CDH18: variants seen among roughly 807,000 people sequenced by gnomAD.
CDH18 encodes cadherin-18.
CDH18 carries 31 observed loss-of-function variants against 67.9 expected under a neutral mutation model. The ratio of observed to expected loss-of-function variants is 0.46; its 90% CI spans 0.34 to 0.62. The LOEUF (loss-of-function observed/expected upper bound fraction) is 0.62. CDH18 is among the 20% of genes least tolerant of loss of function. CDH18 has a pLI of 0.01. For synonymous variants in CDH18, 362 were observed against 347.2 expected (o/e 1.04, Z -0.48); for missense variants, 890 against 975.5 (o/e 0.91, Z 1.17).
At chr5:19,929,978 G>C (rs1000034427) in intron 2 of CDH18, among the ~76,000 whole-genome samples, 1 of 151,994 alleles carries the variant, frequency 6.6e-6, no homozygotes, top group Non-Finnish European at 1.5e-5. Flanking sequence ...AGAAAAAATA[G>C]GTTCAGATGT....
intron 1 of CDH18, among the ~76,000 whole-genome samples, chr5:20,502,944 A>G (rs1166221811): frequency 6.6e-6 from 1 of 152,148 alleles, no homozygotes; most frequent in African/African-American, 2.4e-5. Flanking sequence ...ATACAATTAA[A>G]CTTAATATGA....
chr5:20,031,649 A>C (rs1739409455), intron 2 of CDH18, among the ~76,000 whole-genome samples: 2 of 151,340 alleles, frequency 1.3e-5, no homozygotes, highest in Middle Eastern at 6.8e-3. Flanking sequence ...TTTGAAAAAA[A>C]CAAAACAAAA....
At chr5:19,636,661 A>G (rs1753197954) in intron 5 of CDH18, among the ~76,000 whole-genome samples, 1 of 151,784 alleles carries the variant, frequency 6.6e-6, no homozygotes, top group Admixed American at 6.6e-5. Flanking sequence ...TATTTATATA[A>G]TTTTTTGATA....
chr5:20,450,014 A>ATG (rs202201580), intron 1 of CDH18, among the ~76,000 whole-genome samples: 8 of 151,030 alleles, frequency 5.3e-5, no homozygotes, highest in Non-Finnish European at 1.0e-4. Context: ...TTGCTGAAAT[A>ATG]TGTGTGTGTG....
At chr5:20,202,213 G>A (rs978802968) in intron 2 of CDH18, among the ~76,000 whole-genome samples, 9 of 152,070 alleles carry the variant, frequency 5.9e-5, no homozygotes, top group Non-Finnish European at 1.3e-4. Flanking sequence ...ATATTATTGA[G>A]GAAAATACAG....
intron 2 of CDH18, among the ~76,000 whole-genome samples, chr5:20,178,557 A>T (rs1218938977): frequency 1.3e-5 from 2 of 150,444 alleles, no homozygotes; most frequent in African/African-American, 2.4e-5. Context: ...TTCTTCAATA[A>T]TTAGTGTAAA....
intron 1 of CDH18, among the ~76,000 whole-genome samples, chr5:20,446,065 T>A (rs1749976205): frequency 6.6e-6 from 1 of 152,154 alleles, no homozygotes; most frequent in South Asian, 2.1e-4. Flanking sequence ...TTTTTACCCA[T>A]AATTCATTAA....
chr5:20,570,754 A>G (rs1758769788), intron 1 of CDH18, among the ~76,000 whole-genome samples: 1 of 152,152 alleles, frequency 6.6e-6, no homozygotes, highest in African/African-American at 2.4e-5. Flanking sequence ...AATGCAACAG[A>G]TGGACCCATC....
intron 2 of CDH18, among the ~76,000 whole-genome samples, chr5:19,980,565 C>T (rs1404702159): frequency 6.6e-6 from 1 of 152,152 alleles, no homozygotes; most frequent in Non-Finnish European, 1.5e-5. Context: ...AAGACAGTCA[C>T]TCACCGGAGC....
At chr5:20,471,423 T>C (rs746470901) in intron 1 of CDH18, among the ~76,000 whole-genome samples, 27 of 152,158 alleles carry the variant, frequency 1.8e-4, no homozygotes, top group Admixed American at 3.3e-4. Flanking sequence ...CTTTTTAATA[T>C]ACAAATCAGA....
At chr5:19,844,749 T>C (rs1374097590) in intron 2 of CDH18, among the ~76,000 whole-genome samples, 2 of 152,142 alleles carry the variant, frequency 1.3e-5, no homozygotes, top group Non-Finnish European at 2.9e-5. Flanking sequence ...GCTCTGCAGA[T>C]ATGACAGACA....
intron 1 of CDH18, among the ~76,000 whole-genome samples, chr5:20,522,241 G>T (rs2126525140): frequency 6.6e-6 from 1 of 152,236 alleles, no homozygotes; most frequent in Admixed American, 6.5e-5. Context: ...CCTTCACTAT[G>T]AGAAATTAAA....
chr5:19,544,080 T>C (rs1735896257), intron 8 of CDH18, 75 bp from the exon 9 acceptor site: 4 of 576,072 alleles, frequency 6.9e-6, no homozygotes, highest in Non-Finnish European at 1.1e-5. Flanking sequence ...AAGTATTATA[T>C]CTAAATACAT....
At chr5:19,748,009 G>A (rs377153228) in intron 3 of CDH18, among the ~76,000 whole-genome samples, 19 of 148,234 alleles carry the variant, frequency 1.3e-4, no homozygotes, top group East Asian at 1.0e-3. Context: ...GCTACTCGGG[G>A]GGCTGAGGCA....
chr5:20,194,086 T>C (rs1738764757), intron 2 of CDH18, among the ~76,000 whole-genome samples: 1 of 152,006 alleles, frequency 6.6e-6, no homozygotes, highest in Non-Finnish European at 1.5e-5. Context: ...AACTTTTCAA[T>C]CCTATTCATA....
At chr5:20,164,374 C>T (rs1736128046) in intron 2 of CDH18, among the ~76,000 whole-genome samples, 1 of 152,052 alleles carries the variant, frequency 6.6e-6, no homozygotes, top group Non-Finnish European at 1.5e-5. Context: ...GAACCCTCCA[C>T]CTCCCAGGTT....
rs191406756 is a variant in CDH18, at chr5:19,997,246, G to C, written c.-517-5232C>G. ...TATCTCTCTAGAGACCTATGCATCA[G>C]AATCTCCAAAGAATGTGGCCCTAGC... On this transcript the variant is annotated intron_variant, in intron 2 of 14. Coordinates refer to the CDH18 transcript ENST00000507958. Among the ~76,000 whole-genome samples, 3 of 152,126 alleles carry C rather than the reference G, an allele frequency of 2.0e-5. No individual in the cohort carries two copies. The East Asian group carries it at 5.8e-4, about 29-fold the overall frequency.
chr5:20,005,585 TAC>T (rs1736835546), intron 2 of CDH18, among the ~76,000 whole-genome samples: 2 of 151,782 alleles, frequency 1.3e-5, no homozygotes, highest in African/African-American at 4.8e-5. Flanking sequence ...TGCATACATA[TAC>T]ACACACATAC....
intron 1 of CDH18, among the ~76,000 whole-genome samples, chr5:20,489,278 C>T (rs1052669633): frequency 3.9e-5 from 6 of 152,008 alleles, no homozygotes; most frequent in African/African-American, 1.4e-4. Flanking sequence ...CATATCCACT[C>T]TGGATGGCAA....
Sources: gnomAD v4.1 joint callset for allele counts (sites outside exome capture counted in the v4.1 genomes callset) on GRCh38, gnomAD v4.1.1 for gene constraint, MANE v1.5 for transcripts, NCBI Gene and HGNC (gene_info 2026-07-23, HGNC 2026-07-21) for gene names.